The following CRISP1 variants were observed in gnomAD, a reference collection of about 807,000 sequenced individuals.
The protein encoded by CRISP1 is cysteine rich secretory protein 1.
A neutral mutation model predicts 33.1 loss-of-function variants in CRISP1; 44 were observed. The ratio of observed to expected loss-of-function variants is 1.33; its 90% CI spans 1.05 to 1.71. CRISP1 has a LOEUF of 1.71. CRISP1 is among the 40% of genes most tolerant of loss of function. The pLI is 0.00. For synonymous variants in CRISP1, 103 were observed against 98.7 expected, an observed-to-expected ratio of 1.04 and a Z score of -0.26; for missense variants, 390 against 301.2, an observed-to-expected ratio of 1.29 and a Z score of -2.18.
intron 1 of CRISP1, among the ~76,000 whole-genome samples, chr6:49,864,513 T>C (rs1189635741): frequency 6.6e-6 from 1 of 151,982 alleles, no homozygotes; most frequent in African/African-American, 2.4e-5. Context: ...CAAATATTTT[T>C]CCAAATGAGT....
rs1561938029 is a variant in CRISP1 at position 49,838,421 on chromosome 6, ATGCAAACAAACTTAC to A, written c.622+1_622+15del. 3 of 1,593,200 alleles carry A rather than the reference ATGCAAACAAACTTAC, an allele frequency of 1.9e-6. No individual in the cohort carries two copies. Among genetic ancestry groups the A allele is most frequent in the Non-Finnish European group, 2.6e-6 (3 of 1,164,146 alleles). ...AATGGGTTAACTGTAAACAAACAGA[ATGCAAACAAACTTAC>A]TGCAAAGTTTGTCTTCACAGTTACT... On this transcript the variant is annotated splice_donor_variant and splice_donor_5th_base_variant and intron_variant, in intron 7 of 7. Coordinates refer to ENST00000335847, the MANE Select transcript of CRISP1 (RefSeq NM_001131.3). LOFTEE classifies it high-confidence loss of function.
chr6:49,839,033 G>A (rs1200294343), intron 6 of CRISP1, among the ~76,000 whole-genome samples: 1 of 152,102 alleles, frequency 6.6e-6, no homozygotes, highest in Non-Finnish European at 1.5e-5. Context: ...TATTGAAAGA[G>A]ATGGTGTATA....
chr6:49,846,119 G>A (rs1173521202), intron 5 of CRISP1, among the ~76,000 whole-genome samples: 3 of 152,152 alleles, frequency 2.0e-5, no homozygotes, highest in Non-Finnish European at 4.4e-5. Flanking sequence ...CATTAATGCT[G>A]AACATGAAAC....
Position 49,852,030 on chromosome 6 carries a change from C to T in CRISP1, c.166G>A (p.Val56Ile), listed in dbSNP as rs759917401. Residue 56 changes from valine to isoleucine, a missense_variant, in exon 3 of 8, where the codon GTT becomes ATT. Transcript: ENST00000335847. ...TTCAGCATGTTGCTGGCTGGTGGAA[C>T]TACTCTTCTCCTGAGGGCGTTGTGT... Reference protein sequence around the residue: ...NIHNALRRRVVPPASNMLKMS... With the variant: ...NIHNALRRRVIPPASNMLKMS... 40 of 1,611,180 alleles carry T rather than the reference C, an allele frequency of 2.5e-5. 1 individual carries two copies. The South Asian group carries it at 3.8e-4, about 15-fold the overall frequency.
chr6:49,835,591 T>A, intron 7 of CRISP1, 148 bp from the exon 8 acceptor site: 2 of 741,648 alleles, frequency 2.7e-6, no homozygotes, highest in Non-Finnish European at 2.1e-6. Context: ...TAAATCTGAA[T>A]GCAAAACAGG....
chr6:49,863,608 G>T (rs1771715203), intron 1 of CRISP1, among the ~76,000 whole-genome samples: 1 of 152,054 alleles, frequency 6.6e-6, no homozygotes, highest in Admixed American at 6.6e-5. Flanking sequence ...GTTTCTTGTT[G>T]ACAAATTTGT....
At chr6:49,875,403 A>G (rs1772014373) in intron 1 of CRISP1, among the ~76,000 whole-genome samples, 1 of 152,112 alleles carries the variant, frequency 6.6e-6, no homozygotes, top group Non-Finnish European at 1.5e-5. Context: ...CAAAAAGGAC[A>G]CAAACAAATA....
At chr6:49,871,481 G>A (rs1771922393), upstream of CRISP1, among the ~76,000 whole-genome samples, 1 of 151,926 alleles carries the variant, frequency 6.6e-6, no homozygotes, top group African/African-American at 2.4e-5. Context: ...AAAATATGTA[G>A]AAATACATTA....
chr6:49,874,601 G>A (rs1771996714), intron 1 of CRISP1, among the ~76,000 whole-genome samples: 1 of 151,828 alleles, frequency 6.6e-6, no homozygotes. Flanking sequence ...ATACAGCAAC[G>A]ACAACAAAAA....
chr6:49,864,029 A>C (rs929049845), intron 1 of CRISP1, among the ~76,000 whole-genome samples: 2 of 152,174 alleles, frequency 1.3e-5, no homozygotes, highest in Non-Finnish European at 2.9e-5. Flanking sequence ...GATTTCCAAC[A>C]CCCAGGAAGG....
At chr6:49,835,930 C>G (rs1437419313) in intron 7 of CRISP1, among the ~76,000 whole-genome samples, 1 of 152,168 alleles carries the variant, frequency 6.6e-6, no homozygotes, top group African/African-American at 2.4e-5. Context: ...TCTCAACTAA[C>G]ATTCTAGTGA....
rs1770728702 is a variant in CRISP1, at chr6:49,834,790, TA to T, written c.*525del. ...ACAAATGTATATATAGATGTGTCAA[TA>T]AAACAATGAGACATTTAAACTACTT... On this transcript the variant is annotated 3_prime_UTR_variant, in exon 8 of 8. Coordinates refer to ENST00000335847, the MANE Select transcript of CRISP1 (RefSeq NM_001131.3). The T allele has an allele frequency of 6.6e-6, 1 of 152,386 alleles. No individual in the cohort carries two copies. The highest frequency in any genetic ancestry group is 1.5e-5 in the Non-Finnish European group (1 of 68,198). The allele number at this position is 152,386 out of a possible 1,614,324, so 9.4% of individuals were successfully genotyped here.
At chr6:49,856,051 T>C (rs921880049) in intron 2 of CRISP1, among the ~76,000 whole-genome samples, 10 of 152,324 alleles carry the variant, frequency 6.6e-5, no homozygotes, top group African/African-American at 2.4e-4. Context: ...CATCAACCTA[T>C]TGTTTTATCA....
intron 5 of CRISP1, among the ~76,000 whole-genome samples, chr6:49,844,333 C>T (rs1012907367): frequency 2.0e-5 from 3 of 152,122 alleles, no homozygotes; most frequent in African/African-American, 7.2e-5. Context: ...TGTCCGACTT[C>T]TTAGACTCTT....
chr6:49,865,542 A>G (rs1277427578), intron 1 of CRISP1, among the ~76,000 whole-genome samples: 1 of 152,142 alleles, frequency 6.6e-6, no homozygotes, highest in African/African-American at 2.4e-5. Context: ...CCATTGCATT[A>G]TATGTAAAAG....
At chr6:49,837,574 A>C (rs961580034) in intron 7 of CRISP1, among the ~76,000 whole-genome samples, 2 of 152,130 alleles carry the variant, frequency 1.3e-5, no homozygotes, top group Non-Finnish European at 2.9e-5. Flanking sequence ...AAAAGAGTAC[A>C]AGAGAAGAGA....
At chr6:49,858,539 C>T (rs1771556339) in intron 1 of CRISP1, among the ~76,000 whole-genome samples, 1 of 152,182 alleles carries the variant, frequency 6.6e-6, no homozygotes, top group Admixed American at 6.5e-5. Context: ...CAGACATGCT[C>T]AATATGAGAA....
intron 7 of CRISP1, among the ~76,000 whole-genome samples, chr6:49,836,941 T>A (rs1770817379): frequency 6.6e-6 from 1 of 152,150 alleles, no homozygotes; most frequent in South Asian, 2.1e-4. Context: ...CCTACTTTAT[T>A]CTCTTATGTA....
intron 5 of CRISP1, among the ~76,000 whole-genome samples, chr6:49,843,293 A>G (rs1434759700): frequency 6.6e-6 from 1 of 152,206 alleles, no homozygotes; most frequent in African/African-American, 2.4e-5. Context: ...TAAGTGTATC[A>G]ATCTTAAAAG....
Sources: gnomAD v4.1 joint callset for allele counts (sites outside exome capture counted in the v4.1 genomes callset) on GRCh38, gnomAD v4.1.1 for gene constraint, MANE v1.5 for transcripts, NCBI Gene and HGNC (gene_info 2026-07-23, HGNC 2026-07-21) for gene names.